The following CCSER1 variants were observed in gnomAD, a reference collection of about 807,000 sequenced individuals.
CCSER1 encodes serine-rich coiled-coil domain-containing protein 1.
CCSER1 carries 41 observed loss-of-function variants against 82.0 expected under a neutral mutation model. That is an observed-to-expected ratio of 0.50 (90% CI 0.39 to 0.65). The LOEUF (loss-of-function observed/expected upper bound fraction) is 0.65, where lower values mean the gene tolerates loss of function less well. Ranked by LOEUF, CCSER1 falls within the 30% of genes least tolerant of loss-of-function variation. The pLI is 0.00. For synonymous variants in CCSER1, 414 were observed against 383.9 expected (o/e 1.08, Z -0.92); for missense variants, 1,119 against 1,064.2 (o/e 1.05, Z -0.72).
chr4:90,480,072 A>C (rs1380822052), intron 5 of CCSER1, among the ~76,000 whole-genome samples: 1 of 152,156 alleles, frequency 6.6e-6, no homozygotes, highest in Admixed American at 6.5e-5. Context: ...TGCCATTCTA[A>C]CTGGTGTGAG....
chr4:90,728,411 A>C (rs569184486), intron 7 of CCSER1, among the ~76,000 whole-genome samples: 1 of 152,280 alleles, frequency 6.6e-6, no homozygotes, highest in South Asian at 2.1e-4. Context: ...TCTTTGATGT[A>C]CTTTTTAGGA....
intron 10 of CCSER1, among the ~76,000 whole-genome samples, chr4:91,264,466 C>T (rs558647969): frequency 6.6e-6 from 1 of 151,844 alleles, no homozygotes; most frequent in South Asian, 2.1e-4. Flanking sequence ...TTTAATAAAA[C>T]AGAGAATTTT....
At chr4:90,635,811 T>C (rs886521158) in intron 6 of CCSER1, among the ~76,000 whole-genome samples, 17 of 152,008 alleles carry the variant, frequency 1.1e-4, no homozygotes, top group African/African-American at 3.4e-4. Flanking sequence ...TTTGAGGTGA[T>C]GTATATAGCA....
chr4:91,498,608 TTATC>T (rs1372705757), intron 10 of CCSER1, among the ~76,000 whole-genome samples: 1 of 151,816 alleles, frequency 6.6e-6, no homozygotes, highest in Non-Finnish European at 1.5e-5. Flanking sequence ...ATAGGTTTAT[TTATC>T]TAAATAAACT....
chr4:91,370,544 A>T (rs1056023903), intron 10 of CCSER1, among the ~76,000 whole-genome samples: 3 of 151,902 alleles, frequency 2.0e-5, no homozygotes, highest in African/African-American at 7.3e-5. Context: ...AAAATATGAA[A>T]ATTAGCCAGG....
chr4:91,407,506 A>G (rs911470118), intron 10 of CCSER1, among the ~76,000 whole-genome samples: 5 of 152,184 alleles, frequency 3.3e-5, no homozygotes, highest in African/African-American at 1.2e-4. Flanking sequence ...CGGCCTTTTT[A>G]GTATGTTTGT....
Position 91,599,231 on chromosome 4 carries a change from A to G in CCSER1, c.*174A>G, listed in dbSNP as rs1191344668. Reference sequence around the variant, plus strand: ...AAGACTTGTGGGTTTTTTTTTTCCAAGAGTGAAAGTTTGAGCATGTTAATT... The same window carrying G: ...AAGACTTGTGGGTTTTTTTTTTCCAGGAGTGAAAGTTTGAGCATGTTAATT... On this transcript the variant is annotated 3_prime_UTR_variant, in exon 11 of 11. Transcript: ENST00000509176. 6 of 756,948 alleles carry G rather than the reference A, an allele frequency of 7.9e-6. No homozygotes were observed. Among genetic ancestry groups the G allele is most frequent in the Non-Finnish European group, 1.2e-5 (6 of 500,006 alleles). 46.9% of individuals were successfully genotyped at this position (756,948 alleles called of 1,614,324 possible). A position where few individuals can be genotyped will look rare whatever the true frequency, so the allele number is the denominator to read the frequency against.
At chr4:91,044,288 A>G (rs1189862114) in intron 9 of CCSER1, among the ~76,000 whole-genome samples, 2 of 152,208 alleles carry the variant, frequency 1.3e-5, no homozygotes, top group African/African-American at 4.8e-5. Context: ...CAGAGAAAAT[A>G]GGTGAAAGCA....
chr4:91,465,644 G>C lies in CCSER1; in HGVS notation c.2218-132928G>C, dbSNP rs185143152. ...GGAGAAAAGAGAGAAGAATCAAATA[G>C]ATGCAATAAAAAATGATAAAGGGGA... On this transcript the variant is annotated intron_variant, in intron 10 of 10. Coordinates refer to ENST00000509176, the MANE Select transcript of CCSER1 (RefSeq NM_001145065.2). Among the ~76,000 whole-genome samples, 582 of 152,168 alleles carry C rather than the reference G, an allele frequency of 3.8e-3. 1 individual carries two copies. The highest frequency in any genetic ancestry group is 6.0e-3 in the Admixed American group (91 of 15,264).
intron 10 of CCSER1, among the ~76,000 whole-genome samples, chr4:91,530,798 C>G (rs1048681840): frequency 3.3e-5 from 5 of 151,752 alleles, no homozygotes; most frequent in Non-Finnish European, 7.4e-5. Flanking sequence ...AGCGATTCTC[C>G]TGTCTCAGTC....
chr4:90,187,622 C>T (rs1386162236), intron 1 of CCSER1, among the ~76,000 whole-genome samples: 1 of 151,818 alleles, frequency 6.6e-6, no homozygotes, highest in African/African-American at 2.4e-5. Context: ...GAAATCTGCA[C>T]TGGAAATGAC....
At chr4:91,175,157 C>A (rs192693702) in intron 10 of CCSER1, among the ~76,000 whole-genome samples, 1 of 152,024 alleles carries the variant, frequency 6.6e-6, no homozygotes, top group Non-Finnish European at 1.5e-5. Flanking sequence ...TGAACTCATC[C>A]TTTTTTATGG....
At chr4:90,353,793 A>G (rs1219655902) in intron 3 of CCSER1, among the ~76,000 whole-genome samples, 3 of 152,216 alleles carry the variant, frequency 2.0e-5, no homozygotes, top group Non-Finnish European at 4.4e-5. Context: ...AATAGATATG[A>G]GGCAGCTAGG....
At chr4:90,918,412 G>A (rs746296366) in intron 8 of CCSER1, 50 of 370,718 alleles carry the variant, frequency 1.3e-4, no homozygotes, top group Admixed American at 2.1e-4. Flanking sequence ...TTACAGCACT[G>A]AAAGCTGGAG....
At chr4:90,709,949 T>TTTG (rs1740213605) in intron 6 of CCSER1, among the ~76,000 whole-genome samples, 1 of 150,832 alleles carries the variant, frequency 6.6e-6, no homozygotes, top group African/African-American at 2.4e-5. Flanking sequence ...AGCATCTGTT[T>TTTG]TTTTTTTTTT....
chr4:90,568,718 A>T (rs959706480), intron 5 of CCSER1, among the ~76,000 whole-genome samples: 2 of 146,794 alleles, frequency 1.4e-5, no homozygotes, highest in African/African-American at 5.0e-5. Context: ...AGGTTTTTTT[A>T]GTTGTTTCAT....
At chr4:90,481,120 A>G (rs1467122466) in intron 5 of CCSER1, among the ~76,000 whole-genome samples, 1 of 152,028 alleles carries the variant, frequency 6.6e-6, no homozygotes, top group Non-Finnish European at 1.5e-5. Context: ...ATTCCTAGGT[A>G]TTTTATTCTC....
chr4:91,126,746 G>A (rs1027824600), intron 10 of CCSER1, among the ~76,000 whole-genome samples: 1 of 151,924 alleles, frequency 6.6e-6, no homozygotes, highest in Admixed American at 6.6e-5. Context: ...TGAGGTAAGA[G>A]CAACTATTCT....
chr4:91,110,838 C>G (rs988173273), intron 10 of CCSER1, among the ~76,000 whole-genome samples: 22 of 151,718 alleles, frequency 1.5e-4, no homozygotes, highest in African/African-American at 5.1e-4. Flanking sequence ...ATAGATCATT[C>G]ATTCTTCTTT....
Sources: gnomAD v4.1 joint callset for allele counts (sites outside exome capture counted in the v4.1 genomes callset) on GRCh38, gnomAD v4.1.1 for gene constraint, MANE v1.5 for transcripts, NCBI Gene and HGNC (gene_info 2026-07-23, HGNC 2026-07-21) for gene names.